HRNR: variants seen among roughly 807,000 people sequenced by gnomAD.
HRNR encodes hornerin, also known as filaggrin family member 3.
HRNR carries 7 observed loss-of-function variants against 4.8 expected under a neutral mutation model. The observed-to-expected ratio is 1.47, with a 90% CI of 0.83 to 2.75. The LOEUF (loss-of-function observed/expected upper bound fraction) is 2.75, where lower values mean the gene tolerates loss of function less well. HRNR is among the 30% of genes most tolerant of loss of function. The pLI is 0.00. For synonymous variants in HRNR, 1,023 were observed against 1,242.7 expected (o/e 0.82, Z 3.72); for missense variants, 2,879 against 3,010.4 (o/e 0.96, Z 1.02).
At position 152,220,088 on chromosome 1, in the gene HRNR, G is replaced by A. The variant is rs377585563; in HGVS notation, c.1541C>T (p.Ser514Phe). Residue 514 changes from serine to phenylalanine, a missense_variant, in exon 3 of 3, where the codon TCT (serine) becomes TTT (phenylalanine). Physicochemically the swap from Ser to Phe is radical, Grantham distance 155. Coordinates refer to ENST00000368801, the MANE Select transcript of HRNR (RefSeq NM_001009931.3). ...AGACCCATGCTGACCATAGCTGGAAGATGAACCTGCACTAGATCCTTGTCG... is the reference window on the plus strand; with the variant it reads ...AGACCCATGCTGACCATAGCTGGAAAATGAACCTGCACTAGATCCTTGTCG... ...GERQGSSAGS[S>F]SSYGQHGSGS... The A allele has an allele frequency of 6.2e-7, 1 of 1,613,642 alleles. No individual in the cohort carries two copies. The highest frequency in any genetic ancestry group is 1.3e-5 in the African/African-American group (1 of 74,892).
At position 152,220,212 on chromosome 1, in the gene HRNR, C is replaced by G. The variant is rs1329860446; in HGVS notation, c.1417G>C (p.Glu473Gln). 2 of 1,613,840 alleles carry G rather than the reference C, an allele frequency of 1.2e-6. No individual in the cohort carries two copies. The highest frequency in any genetic ancestry group is 1.7e-6 in the Non-Finnish European group (2 of 1,179,842). Residue 473 changes from glutamate to glutamine, a missense_variant, in exon 3 of 3, where the codon GAG becomes CAG. By Grantham distance (29) the Glu-to-Gln change is conservative. Around this residue, in one of 8 missense-constraint regions of HRNR, gnomAD observed 2,646 missense variants for 1,377.7 expected, o/e 1.92. Coordinates refer to ENST00000368801, the MANE Select transcript of HRNR (RefSeq NM_001009931.3). ...SGFGHHESSS[E>Q]HSSGYTQHGS... ...TGCTGAGTGTAACCAGAGGAATGCT[C>G]TGAGCTAGACTCGTGGTGACCAAAG...
chr1:152,219,577 C>T lies in HRNR; in HGVS notation c.2052G>A (p.Trp684Ter), dbSNP rs142507300. ...ACCCATGTGGGCCATTGCTTGAAGACCAACCGGAGCCAGACCCATGTTGGC... is the reference window on the plus strand; with the variant it reads ...ACCCATGTGGGCCATTGCTTGAAGATCAACCGGAGCCAGACCCATGTTGGC... Reference protein sequence around the residue: ...SYGQHGSGSGWSSSNGPHGSV... With the variant: ...SYGQHGSGSG Residue 684 changes from tryptophan (W) to a stop codon, truncating the protein, a stop_gained, in exon 3 of 3, where the codon TGG becomes TGA. Transcript: ENST00000368801. LOFTEE classifies it low-confidence loss of function (END_TRUNC). 7.7e-4 allele frequency: 1,243 copies of T among 1,609,636 alleles called. 1 individual carries two copies. The highest frequency in any genetic ancestry group is 9.7e-4 in the Non-Finnish European group (1,143 of 1,178,680).
At chr1:152,223,314 A>G (rs1352695758) in intron 1 of HRNR, 36 bp from the exon 2 acceptor site, 5 of 1,310,856 alleles carry the variant, frequency 3.8e-6, no homozygotes, top group Non-Finnish European at 5.4e-6. Flanking sequence ...ACCCCTTACT[A>G]TTCTTATTTC....
rs1184241959 is a variant in HRNR at position 152,219,190 on chromosome 1, C to G, written c.2439G>C (p.Gln813His). ...SCGHYESGSGQASGFGQHESG... is the reference protein window; with the variant it reads ...SCGHYESGSGHASGFGQHESG... ...ACTCGTGTTGCCCAAAACCAGAAGCCTGGCCTGAGCCAGACTCATAATGGC... is the reference window on the plus strand; with the variant it reads ...ACTCGTGTTGCCCAAAACCAGAAGCGTGGCCTGAGCCAGACTCATAATGGC... The change falls in exon 3 of 3, where the codon CAG becomes CAC. Residue 813 changes from glutamine (Q) to histidine (H), a missense_variant. Transcript: ENST00000368801. 10 of 1,614,028 alleles carry G rather than the reference C, an allele frequency of 6.2e-6. No homozygotes were observed. The highest frequency in any genetic ancestry group is 1.1e-5 in the South Asian group (1 of 91,082).
In HRNR at chr1:152,220,284, A is replaced by G; in HGVS notation, c.1345T>C (p.Ser449Pro). 1 of 1,613,974 alleles carries G rather than the reference A, an allele frequency of 6.2e-7. No homozygotes were observed. The highest frequency in any genetic ancestry group is 8.5e-7 in the Non-Finnish European group (1 of 1,179,976). ...SGQHGTGFGR[S>P]SSSGPYVSGS... ...GACACATATGGGCCACTGCTGGAAGATCGACCAAAGCCAGTCCCATGTTGG... is the reference window on the plus strand; with the variant it reads ...GACACATATGGGCCACTGCTGGAAGGTCGACCAAAGCCAGTCCCATGTTGG... Residue 449 changes from serine to proline, a missense_variant, in exon 3 of 3, where the codon TCT becomes CCT. Around this residue, in one of 8 missense-constraint regions of HRNR, gnomAD observed 2,646 missense variants for 1,377.7 expected, o/e 1.92. Transcript: ENST00000368801.
chr1:152,220,965 C>G lies in HRNR; in HGVS notation c.664G>C (p.Gly222Arg), dbSNP rs760633717. The G allele has an allele frequency of 6.2e-7, 1 of 1,614,190 alleles. No homozygotes were observed. Among genetic ancestry groups the G allele is most frequent in the African/African-American group, 1.3e-5 (1 of 75,046 alleles). ...SGQSSSNDTH[G>R]SGSGQSSGFS... is the part of the protein sequence containing the mutation. Reference sequence around the variant, plus strand: ...CCAGAAGACTGGCCTGAGCCAGACCCATGTGTGTCATTGCTGGAAGACTGT... The same window carrying G: ...CCAGAAGACTGGCCTGAGCCAGACCGATGTGTGTCATTGCTGGAAGACTGT... The change falls in exon 3 of 3, where the codon GGG becomes CGG. Residue 222 changes from glycine to arginine, a missense_variant. Coordinates refer to ENST00000368801, the MANE Select transcript of HRNR (RefSeq NM_001009931.3).
Position 152,219,658 on chromosome 1 carries a change from G to T in HRNR, c.1971C>A (p.Gly657=), listed in dbSNP as rs755702490. The change falls in exon 3 of 3, where the codon GGC becomes GGA. Residue 657 remains glycine (G), a synonymous_variant. Coordinates refer to ENST00000368801, the MANE Select transcript of HRNR (RefSeq NM_001009931.3). The part of the protein sequence containing the change: ...SRYGQQGSGS[G]QSPSRGRHGS... ...CATGTCGGCCGCGACTAGGAGACTG[G>T]CCAGATCCAGAGCCCTGTTGGCCAT... 1.2e-6 allele frequency: 2 copies of T among 1,613,116 alleles called. No homozygotes were observed. The highest frequency in any genetic ancestry group is 1.7e-6 in the Non-Finnish European group (2 of 1,179,408).
chr1:152,220,540 C>A lies in HRNR; in HGVS notation c.1089G>T (p.Lys363Asn), dbSNP rs752841706. ...AGGAGTGACCTGAGCCAGAACCATG[C>A]TTACTATAGCCAGAGGACTGTCCTG... ...SGSGQSSGYS[K>N]HGSGSGHSSS... is the part of the protein sequence containing the mutation. Residue 363 changes from lysine (K) to asparagine (N), a missense_variant, in exon 3 of 3, where the codon AAG (lysine) becomes AAT (asparagine). Lys to Asn is a moderately conservative substitution (Grantham distance 94). Coordinates refer to ENST00000368801, the MANE Select transcript of HRNR (RefSeq NM_001009931.3). 4.3e-6 allele frequency: 7 copies of A among 1,611,642 alleles called. No individual in the cohort carries two copies. In the South Asian group the frequency reaches 5.5e-5, roughly 13 times the overall value.
In HRNR at chr1:152,221,464, A is replaced by T. The variant is rs762861155; in HGVS notation, c.165T>A (p.Asp55Glu). The T allele has an allele frequency of 6.2e-7, 1 of 1,608,470 alleles. No homozygotes were observed. The highest frequency in any genetic ancestry group is 8.5e-7 in the Non-Finnish European group (1 of 1,176,724). Residue 55 changes from aspartate to glutamate, a missense_variant, in exon 3 of 3, where the codon GAT (aspartate) becomes GAA (glutamate). Asp to Glu is a conservative substitution (Grantham distance 45). This residue lies in a region of HRNR where 2,646 missense variants were observed against 1,377.7 expected (regional missense o/e 1.92). Coordinates refer to ENST00000368801, the MANE Select transcript of HRNR (RefSeq NM_001009931.3). ...LKNPNDPDTV[D>E]IILQSLDRDH... ...CTCGATCCAGACTTTGCAAGATGAT[A>T]TCCACAGTATCTGGATCGTTTGGAT... is the stretch of plus-strand genomic sequence containing the variant.
At position 152,220,224 on chromosome 1, in the gene HRNR, C is replaced by T. The variant is rs147754674; in HGVS notation, c.1405G>A (p.Glu469Lys). The T allele has an allele frequency of 1.3e-4, 209 of 1,613,528 alleles. No individual in the cohort carries two copies. Among genetic ancestry groups the T allele is most frequent in the Middle Eastern group, 3.3e-4 (2 of 6,080 alleles). ...SGYSSGFGHH[E>K]SSSEHSSGYT... Reference sequence around the variant, plus strand: ...CCAGAGGAATGCTCTGAGCTAGACTCGTGGTGACCAAAGCCAGAAGAGTAG... The same window carrying T: ...CCAGAGGAATGCTCTGAGCTAGACTTGTGGTGACCAAAGCCAGAAGAGTAG... Residue 469 changes from glutamate to lysine, a missense_variant, in exon 3 of 3, where the codon GAG becomes AAG. By Grantham distance (56) the Glu-to-Lys change is moderately conservative (BLOSUM62 1). Transcript: ENST00000368801.
Position 152,220,536 on chromosome 1 carries a change from C to G in HRNR, c.1093G>C (p.Gly365Arg). The change falls in exon 3 of 3, where the codon GGT becomes CGT. Residue 365 changes from glycine to arginine, a missense_variant. Transcript: ENST00000368801. ...CTAGAGGAGTGACCTGAGCCAGAAC[C>G]ATGCTTACTATAGCCAGAGGACTGT... Reference protein sequence around the residue: ...SGQSSGYSKHGSGSGHSSSQG... With the variant: ...SGQSSGYSKHRSGSGHSSSQG... 1 of 1,611,736 alleles carries G rather than the reference C, an allele frequency of 6.2e-7. No individual in the cohort carries two copies. Among genetic ancestry groups the G allele is most frequent in the Non-Finnish European group, 8.5e-7 (1 of 1,178,408 alleles).
chr1:152,219,616 G>A lies in HRNR; in HGVS notation c.2013C>T (p.His671=). The change falls in exon 3 of 3, where the codon CAC becomes CAT. Residue 671 remains histidine, a synonymous_variant. Coordinates refer to ENST00000368801, the MANE Select transcript of HRNR (RefSeq NM_001009931.3). ...ACCCATGTTGGCCGTAGCTGGAAGA[G>A]TGCCCAAAATCGGACCCATGTCGGC... ...SRGRHGSDFG[H]SSSYGQHGSG... 6.2e-7 allele frequency: 1 copy of A among 1,608,648 alleles called. No homozygotes were observed.
intron 2 of HRNR, 51 bp downstream of exon 2, chr1:152,223,065 G>T (rs1557847389): frequency 1.3e-6 from 2 of 1,571,436 alleles, no homozygotes; most frequent in Non-Finnish European, 1.7e-6. Context: ...AGGTGGAAAG[G>T]GATAAAGAAG....
At position 152,212,986 on chromosome 1, in the gene HRNR, G is replaced by A; in HGVS notation, c.*90C>T. ...GATTCACTTTTAGAACGAATTTCAT[G>A]ATGGATTGCTTGTCTTTCATGATGA... On this transcript the variant is annotated 3_prime_UTR_variant, in exon 3 of 3. Transcript: ENST00000368801. 6 of 1,509,160 alleles carry A rather than the reference G, an allele frequency of 4.0e-6. No homozygotes were observed. Among genetic ancestry groups the A allele is most frequent in the Non-Finnish European group, 5.3e-6 (6 of 1,125,110 alleles). 93.5% of individuals were successfully genotyped at this position (1,509,160 alleles called of 1,614,324 possible).
rs780620643 is a variant in HRNR, at chr1:152,219,977, C to G, written c.1652G>C (p.Gly551Ala). ...PSPSRGRHES[G>A]SRQSSSYGPH... Reference sequence around the variant, plus strand: ...GCCATAGCTGGAAGACTGCCTGGAACCAGACTCATGTCGGCCACGGCTAGG... The same window carrying G: ...GCCATAGCTGGAAGACTGCCTGGAAGCAGACTCATGTCGGCCACGGCTAGG... Residue 551 changes from glycine (G) to alanine (A), a missense_variant, in exon 3 of 3, where the codon GGT (glycine) becomes GCT (alanine). Around this residue, in one of 8 missense-constraint regions of HRNR, gnomAD observed 2,646 missense variants for 1,377.7 expected, o/e 1.92. Coordinates refer to ENST00000368801, the MANE Select transcript of HRNR (RefSeq NM_001009931.3). 3.7e-6 allele frequency: 6 copies of G among 1,613,780 alleles called. No homozygotes were observed. The highest frequency in any genetic ancestry group is 2.2e-5 in the East Asian group (1 of 44,872).
At chr1:152,223,015 T>C in intron 2 of HRNR, 101 bp downstream of exon 2, 2 of 1,231,838 alleles carry the variant, frequency 1.6e-6, no homozygotes, top group Non-Finnish European at 2.3e-6. Flanking sequence ...TCTCACCAAG[T>C]AAGGACAATC....
At position 152,218,972 on chromosome 1, in the gene HRNR, C is replaced by A. The variant is rs762244156; in HGVS notation, c.2657G>T (p.Gly886Val). The change falls in exon 3 of 3, where the codon GGA (glycine) becomes GTA (valine). Residue 886 changes from glycine (G) to valine (V), a missense_variant. This residue lies in a region of HRNR where 2,646 missense variants were observed against 1,377.7 expected (regional missense o/e 1.92). Coordinates refer to ENST00000368801, the MANE Select transcript of HRNR (RefSeq NM_001009931.3). ...HASGRGRHGS[G>V]SGQSPGHGQR... ...GCCGTGGCCTGGAGACTGGCCAGAT[C>A]CAGAGCCATGTCGGCCGCGGCCCGA... is the stretch of plus-strand genomic sequence containing the variant. The A allele has an allele frequency of 9.3e-6, 15 of 1,608,596 alleles. No individual in the cohort carries two copies. The highest frequency in any genetic ancestry group is 1.3e-5 in the African/African-American group (1 of 74,904).
At position 152,212,993 on chromosome 1, in the gene HRNR, T is replaced by C; in HGVS notation, c.*83A>G. The stretch of plus-strand genomic sequence containing the variant: ...TTTTAGAACGAATTTCATGATGGAT[T>C]GCTTGTCTTTCATGATGAATTCATA... On this transcript the variant is annotated 3_prime_UTR_variant, in exon 3 of 3. Coordinates refer to ENST00000368801, the MANE Select transcript of HRNR (RefSeq NM_001009931.3). 1 of 1,520,396 alleles carries C rather than the reference T, an allele frequency of 6.6e-7. No homozygotes were observed. The highest frequency in any genetic ancestry group is 1.3e-5 in the South Asian group (1 of 75,340). The allele number at this position is 1,520,396 out of a possible 1,614,324, so 94.2% of individuals were successfully genotyped here.
chr1:152,219,324 CT>C lies in HRNR; in HGVS notation c.2304del (p.Ser770LeufsTer281). On this transcript the variant is annotated frameshift_variant, in exon 3 of 3. Coordinates refer to ENST00000368801, the MANE Select transcript of HRNR (RefSeq NM_001009931.3). LOFTEE classifies it low-confidence loss of function (END_TRUNC). ...GSHQSSGHGR[Q>X]GSGSGHSPSR... The stretch of plus-strand genomic sequence containing the variant: ...CTAGGAGAGTGGCCAGATCCAGACC[CT>C]TGTCGGCCGTGGCCCGAAGATTGAT... 1.2e-6 allele frequency: 2 copies of C among 1,613,672 alleles called. No individual in the cohort carries two copies. The highest frequency in any genetic ancestry group is 1.1e-5 in the South Asian group (1 of 91,064).
Sources: allele counts gnomAD v4.1 joint callset, GRCh38; gene constraint gnomAD v4.1.1; regional missense constraint gnomAD v4.1.1; transcripts MANE v1.5; gene names NCBI Gene and HGNC (gene_info 2026-07-23, HGNC 2026-07-21).